MAP9: variants seen among roughly 807,000 people sequenced by gnomAD.
MAP9 encodes microtubule-associated protein 9.
In MAP9, 80 loss-of-function variants were observed where a neutral mutation model predicts 75.2. The observed-to-expected ratio is 1.06, with a 90% confidence interval of 0.89 to 1.28. The LOEUF (loss-of-function observed/expected upper bound fraction) is 1.28. Among genes scored for constraint, MAP9 ranks in the 50% most tolerant of loss-of-function variants. The probability of loss-of-function intolerance (pLI) is 0.00; values close to 1 mark genes in which losing one functional copy is unlikely to be tolerated. For missense variants in MAP9, 753 were observed against 719.9 expected (o/e 1.05, Z -0.53); for synonymous variants, 235 against 237.3 (o/e 0.99, Z 0.09).
intron 3 of MAP9, among the ~76,000 whole-genome samples, chr4:155,374,418 T>C (rs745891234): frequency 2.0e-5 from 3 of 152,202 alleles, no homozygotes; most frequent in Non-Finnish European, 4.4e-5. Flanking sequence ...TTAATATGTT[T>C]ACATAGCTAA....
At chr4:155,363,560 G>C (rs961137733) in intron 5 of MAP9, among the ~76,000 whole-genome samples, 2 of 151,900 alleles carry the variant, frequency 1.3e-5, no homozygotes, top group African/African-American at 4.8e-5. Flanking sequence ...AAAGATGGGG[G>C]ATTTTATATT....
At chr4:155,351,862 G>T (rs1374498185) in intron 13 of MAP9, among the ~76,000 whole-genome samples, 1 of 151,812 alleles carries the variant, frequency 6.6e-6, no homozygotes, top group Non-Finnish European at 1.5e-5. Context: ...TATAATTTTG[G>T]TTGCTGAATC....
chr4:155,368,014 C>T (rs1022295807), intron 5 of MAP9, among the ~76,000 whole-genome samples: 59 of 152,148 alleles, frequency 3.9e-4, no homozygotes, highest in African/African-American at 1.4e-3. Flanking sequence ...AAGAGAAAAA[C>T]GAAGTGTTCT....
chr4:155,375,189 G>A (rs1031025206), intron 2 of MAP9, among the ~76,000 whole-genome samples, 168 bp from the exon 3 acceptor site: 4 of 152,164 alleles, frequency 2.6e-5, no homozygotes, highest in Middle Eastern at 3.4e-3. Context: ...CCCACTTTAC[G>A]CCTCATACTC....
chr4:155,358,884 T>A (rs1032453847), intron 7 of MAP9, among the ~76,000 whole-genome samples: 2 of 152,002 alleles, frequency 1.3e-5, no homozygotes, highest in Non-Finnish European at 2.9e-5. Context: ...ATTATACTAG[T>A]CAGAATATTT....
chr4:155,365,403 A>T (rs2111255110), intron 5 of MAP9, among the ~76,000 whole-genome samples: 1 of 152,250 alleles, frequency 6.6e-6, no homozygotes, highest in East Asian at 1.9e-4. Flanking sequence ...AAACCCACAA[A>T]CATAACTGGA....
At chr4:155,369,918 T>C (rs1732519355) in intron 4 of MAP9, among the ~76,000 whole-genome samples, 1 of 152,248 alleles carries the variant, frequency 6.6e-6, no homozygotes. Flanking sequence ...TTTTACCTGC[T>C]ATACATATTT....
chr4:155,355,943 A>T (rs931138149), intron 8 of MAP9, 59 bp from the exon 9 acceptor site: 9 of 1,410,258 alleles, frequency 6.4e-6, no homozygotes, highest in Non-Finnish European at 8.9e-6. Flanking sequence ...TAGAAGAGAG[A>T]TCTGTTAGAA....
At chr4:155,361,713 C>T (rs1010390046) in intron 6 of MAP9, among the ~76,000 whole-genome samples, 4 of 152,008 alleles carry the variant, frequency 2.6e-5, no homozygotes, top group African/African-American at 9.7e-5. Flanking sequence ...TGTTGTCCTG[C>T]AGAATATCAC....
chr4:155,368,712 T>C lies in MAP9; in HGVS notation c.582A>G (p.Leu194=). The C allele has an allele frequency of 6.2e-7, 1 of 1,614,132 alleles. No homozygotes were observed. The highest frequency in any genetic ancestry group is 1.1e-5 in the South Asian group (1 of 91,084). Residue 194 remains leucine, a synonymous_variant, in exon 5 of 14, where the codon CTA becomes CTG. Coordinates refer to ENST00000311277, the MANE Select transcript of MAP9 (RefSeq NM_001039580.2). ...CACTGAGGGCAGTTTCTTTATCTTCTAGTCCATCCTTCTCCTCCATGTGAC... is the reference window on the plus strand; with the variant it reads ...CACTGAGGGCAGTTTCTTTATCTTCCAGTCCATCCTTCTCCTCCATGTGAC... ...KKSHMEEKDG[L]EDKETALSEE...
intron 4 of MAP9, among the ~76,000 whole-genome samples, chr4:155,369,088 C>T (rs1346329101): frequency 1.3e-5 from 2 of 151,992 alleles, no homozygotes; most frequent in African/African-American, 4.8e-5. Flanking sequence ...GTTGGGAGGC[C>T]GAGGTGGGCA....
chr4:155,348,029 CAG>C, intron 13 of MAP9, 124 bp from the exon 14 acceptor site: 4 of 648,444 alleles, frequency 6.2e-6, no homozygotes, highest in Non-Finnish European at 7.6e-6. Context: ...CCTAGTTTAA[CAG>C]ATCATAAAGA....
In MAP9 at chr4:155,375,803, T is replaced by C. The variant is rs1170294921; in HGVS notation, c.48A>G (p.Pro16=). ...GGAAAGTAGTTCTTTTGGTAACTTT[T>C]GGACTCTTTGTATATGCCAAAGTGG... ...FSTTLAYTKS[P]KVTKRTTFQD... Residue 16 remains proline, a synonymous_variant, in exon 2 of 14, where the codon CCA becomes CCG. Transcript: ENST00000311277. 2 of 1,610,222 alleles carry C rather than the reference T, an allele frequency of 1.2e-6. No individual in the cohort carries two copies. Among genetic ancestry groups the C allele is most frequent in the Non-Finnish European group, 1.7e-6 (2 of 1,177,346 alleles).
At chr4:155,366,127 G>A (rs1361529759) in intron 5 of MAP9, among the ~76,000 whole-genome samples, 5 of 152,248 alleles carry the variant, frequency 3.3e-5, no homozygotes, top group East Asian at 3.9e-4. Flanking sequence ...TTGGGAGGCC[G>A]AGGTGGGTGG....
intron 2 of MAP9, 34 bp from the exon 3 acceptor site, chr4:155,375,055 A>G (rs779632026): frequency 2.0e-5 from 28 of 1,426,056 alleles, no homozygotes; most frequent in Admixed American, 1.3e-4. Context: ...TTTCCATCCA[A>G]ACATGGAGGT....
In MAP9 at chr4:155,373,294, C is replaced by T. The variant is rs754427099; in HGVS notation, c.323G>A (p.Cys108Tyr). Reference protein sequence around the residue: ...NGNITKDEPVCAIKNEEEMAP... With the variant: ...NGNITKDEPVYAIKNEEEMAP... ...CATTTCCTCTTCATTTTTGATGGCA[C>T]ACACTGGCTCATCTTTGGTTATGTT... Residue 108 changes from cysteine (C) to tyrosine (Y), a missense_variant, in exon 4 of 14, where the codon TGT (cysteine) becomes TAT (tyrosine). Physicochemically the swap from Cys to Tyr is radical, Grantham distance 194. Transcript: ENST00000311277. 6.2e-7 allele frequency: 1 copy of T among 1,613,874 alleles called. No individual in the cohort carries two copies. Among genetic ancestry groups the T allele is most frequent in the Middle Eastern group, 1.7e-4 (1 of 6,058 alleles).
chr4:155,368,481 C>A, intron 5 of MAP9, 105 bp downstream of exon 5: 3 of 874,882 alleles, frequency 3.4e-6, no homozygotes, highest in Non-Finnish European at 1.9e-6. Context: ...GTATGTAAAA[C>A]ACACACACAC....
Position 155,374,949 on chromosome 4 carries a change from T to C in MAP9, c.148A>G (p.Ser50Gly), listed in dbSNP as rs754333533. 1.9e-6 allele frequency: 3 copies of C among 1,587,242 alleles called. No homozygotes were observed. The highest frequency in any genetic ancestry group is 2.2e-5 in the East Asian group (1 of 44,446). The change falls in exon 3 of 14, where the codon AGT (serine) becomes GGT (glycine). Residue 50 changes from serine (S) to glycine (G), a missense_variant. Ser to Gly is a moderately conservative substitution (Grantham distance 56). Coordinates refer to ENST00000311277, the MANE Select transcript of MAP9 (RefSeq NM_001039580.2). ...RSSEYSDDFD[S>G]DEIVSLGDFS... Reference sequence around the variant, plus strand: ...TACTGTCACATACCAATCTCATCACTGTCAAAGTCATCTGAGTATTCAGAA... The same window carrying C: ...TACTGTCACATACCAATCTCATCACCGTCAAAGTCATCTGAGTATTCAGAA...
At chr4:155,365,866 T>C (rs1732299193) in intron 5 of MAP9, among the ~76,000 whole-genome samples, 1 of 151,726 alleles carries the variant, frequency 6.6e-6, no homozygotes, top group Non-Finnish European at 1.5e-5. Context: ...AATAAATTTT[T>C]AAAACAGGAG....
Sources: gnomAD v4.1 joint callset for allele counts (sites outside exome capture counted in the v4.1 genomes callset) on GRCh38, gnomAD v4.1.1 for gene constraint, MANE v1.5 for transcripts, NCBI Gene and HGNC (gene_info 2026-07-23, HGNC 2026-07-21) for gene names.